SHANK2: variants seen among roughly 807,000 people sequenced by gnomAD.
SHANK2 encodes the protein SH3 and multiple ankyrin repeat domains protein 2.
A neutral mutation model predicts 133.7 loss-of-function variants in SHANK2; 43 were observed. The ratio of observed to expected loss-of-function variants is 0.32; its 90% CI spans 0.25 to 0.41. The LOEUF is 0.41. SHANK2 is among the 10% of genes least tolerant of loss of function. SHANK2 has a pLI of 1.00. For missense variants in SHANK2, 1,994 were observed against 2,235.8 expected, an observed-to-expected ratio of 0.89 and a Z score of 2.18; for synonymous variants, 1,017 against 952.8, an observed-to-expected ratio of 1.07 and a Z score of -1.24.
intron 14 of SHANK2, among the ~76,000 whole-genome samples, chr11:70,702,248 T>G (rs1159226530): frequency 7.6e-6 from 1 of 132,056 alleles, no homozygotes; most frequent in African/African-American, 2.9e-5. Flanking sequence ...CATTCTTCAC[T>G]ATCATCACCA....
At chr11:71,068,385 G>A (rs1267708472) in intron 9 of SHANK2, among the ~76,000 whole-genome samples, 1 of 152,238 alleles carries the variant, frequency 6.6e-6, no homozygotes, top group Non-Finnish European at 1.5e-5. Flanking sequence ...AGGGCTGTAA[G>A]ACTCATCCAA....
At chr11:70,765,805 G>A (rs1947108941) in intron 14 of SHANK2, among the ~76,000 whole-genome samples, 2 of 151,948 alleles carry the variant, frequency 1.3e-5, no homozygotes, top group African/African-American at 2.4e-5. Flanking sequence ...CATGAAATAA[G>A]TTTTGTTTTC....
chr11:70,678,983 T>C, intron 15 of SHANK2, among the ~76,000 whole-genome samples: 1 of 152,178 alleles, frequency 6.6e-6, no homozygotes, highest in East Asian at 1.9e-4. Context: ...CTCACTCTCC[T>C]TAGCCAGGGG....
intron 9 of SHANK2, among the ~76,000 whole-genome samples, chr11:71,073,156 C>CTTTTTTTTTTTTTTTTTTTTTTTTT (rs1198101078): frequency 4.9e-5 from 2 of 40,780 alleles, no homozygotes; most frequent in African/African-American, 6.8e-5. Flanking sequence ...TCTTTTTTTT[C>CTTTTTTTTTTTTTTTTTTTTTTTTT]TTTTTTTTCT....
intron 6 of SHANK2, among the ~76,000 whole-genome samples, chr11:71,099,531 T>C (rs1394513122): frequency 6.6e-6 from 1 of 152,186 alleles, no homozygotes; most frequent in Non-Finnish European, 1.5e-5. Context: ...AGATTTAATG[T>C]AAAAAATGCT....
intron 10 of SHANK2, among the ~76,000 whole-genome samples, chr11:70,949,698 C>T (rs918278306): frequency 3.9e-5 from 6 of 152,206 alleles, no homozygotes; most frequent in Admixed American, 2.6e-4. Flanking sequence ...CCCACACACT[C>T]GCTGGCACTG....
rs139399958 is a variant in SHANK2, at chr11:71,246,860, G to T, written c.-113+5565C>A. ...CACCCACTGCCTTCTCACTCAGAGA[G>T]GCAGCTCCAGTAACAGCTCCCCTTT... On this transcript the variant is annotated intron_variant, in intron 1 of 25. Transcript: ENST00000601538. Among the ~76,000 whole-genome samples, 250 of 152,266 alleles carry T rather than the reference G, an allele frequency of 1.6e-3. 2 individuals are homozygous for T. The highest frequency in any genetic ancestry group is 5.9e-3 in the African/African-American group (245 of 41,544).
intron 17 of SHANK2, among the ~76,000 whole-genome samples, chr11:70,622,279 G>A (rs933896326): frequency 1.3e-5 from 2 of 152,114 alleles, no homozygotes; most frequent in African/African-American, 4.8e-5. Flanking sequence ...CAGCTGCCCG[G>A]CAGTGTATGG....
At chr11:70,916,676 G>C (rs1950275428) in intron 10 of SHANK2, among the ~76,000 whole-genome samples, 1 of 152,090 alleles carries the variant, frequency 6.6e-6, no homozygotes, top group Non-Finnish European at 1.5e-5. Flanking sequence ...CCTTCGCCTG[G>C]CACAGCATTC....
intron 3 of SHANK2, among the ~76,000 whole-genome samples, chr11:71,137,595 T>C (rs1952470961): frequency 6.6e-6 from 1 of 152,152 alleles, no homozygotes; most frequent in South Asian, 2.1e-4. Flanking sequence ...GCCAGGGTGC[T>C]GGCTGCAGGG....
At chr11:70,528,145 G>A (rs191060823) in intron 17 of SHANK2, among the ~76,000 whole-genome samples, 10 of 152,358 alleles carry the variant, frequency 6.6e-5, no homozygotes, top group African/African-American at 2.2e-4. Context: ...GGTGCACCTC[G>A]GCGTGATGCT....
chr11:70,918,383 G>T (rs782716203), intron 10 of SHANK2, among the ~76,000 whole-genome samples: 1 of 152,208 alleles, frequency 6.6e-6, no homozygotes, highest in Non-Finnish European at 1.5e-5. Flanking sequence ...GAATCACAAG[G>T]TCACCCAGCA....
intron 1 of SHANK2, among the ~76,000 whole-genome samples, chr11:71,239,099 G>A (rs112005924): frequency 4.6e-5 from 7 of 152,248 alleles, no homozygotes; most frequent in African/African-American, 1.2e-4. Context: ...ACAGATGACC[G>A]GGAGGGGCCG....
intron 8 of SHANK2, among the ~76,000 whole-genome samples, chr11:71,082,728 C>T (rs1294880118): frequency 2.0e-5 from 3 of 152,172 alleles, no homozygotes; most frequent in Non-Finnish European, 4.4e-5. Context: ...CAGGGGGCAG[C>T]CTGGAGCAGG....
At chr11:70,823,036 T>G (rs11237615) in intron 11 of SHANK2, among the ~76,000 whole-genome samples, 1 of 84,366 alleles carries the variant, frequency 1.2e-5, no homozygotes, top group Non-Finnish European at 2.3e-5. Context: ...ACAGGTGGCG[T>G]TGGCAGAGCC....
chr11:70,762,503 G>C (rs1159697499), intron 14 of SHANK2, among the ~76,000 whole-genome samples: 1 of 152,170 alleles, frequency 6.6e-6, no homozygotes. Context: ...TCTTCCACCA[G>C]GGTTTTTGTG....
intron 10 of SHANK2, among the ~76,000 whole-genome samples, chr11:70,909,520 C>T (rs1290000298): frequency 6.6e-6 from 1 of 152,208 alleles, no homozygotes; most frequent in East Asian, 1.9e-4. Flanking sequence ...ATTCCACCCT[C>T]ACGGCATGCC....
At chr11:70,544,914 C>A (rs34572124) in intron 17 of SHANK2, among the ~76,000 whole-genome samples, 69,943 of 152,152 alleles carry the variant, frequency 0.46, 17,636 homozygotes, top group Non-Finnish European at 0.57. Context: ...ACCAAGGACA[C>A]CGTCGCGGGA....
Position 71,089,121 on chromosome 11 carries a change from C to T in SHANK2, c.912+3301G>A, listed in dbSNP as rs898008489. ...CGCTTTGGCAGTCCCAAGAACTGCC[C>T]TTTTCCAAGCAGGTCACCTTGGAAG... is the stretch of plus-strand genomic sequence containing the variant. On this transcript the variant is annotated intron_variant, in intron 8 of 25. Coordinates refer to ENST00000601538, the MANE Select transcript of SHANK2 (RefSeq NM_012309.5). 7.0e-3 allele frequency among the ~76,000 whole-genome samples: 1,069 copies of T among 152,308 alleles called. 10 individuals are homozygous for T. The highest frequency in any genetic ancestry group is 0.024 in the African/African-American group (998 of 41,556).
Sources: allele counts gnomAD v4.1 joint callset (sites outside exome capture counted in the v4.1 genomes callset), GRCh38; gene constraint gnomAD v4.1.1; transcripts MANE v1.5; gene names NCBI Gene and HGNC (gene_info 2026-07-23, HGNC 2026-07-21).